The following GHR variants were observed in gnomAD, a reference collection of about 807,000 sequenced individuals.
GHR encodes the protein GH receptor.
In GHR, 35 loss-of-function variants were observed where a neutral mutation model predicts 67.1. The ratio of observed to expected loss-of-function variants is 0.52; its 90% CI spans 0.40 to 0.69. The LOEUF (loss-of-function observed/expected upper bound fraction) is 0.69, where lower values mean the gene tolerates loss of function less well. GHR is among the 30% of genes least tolerant of loss of function. The pLI is 0.00. For synonymous variants in GHR, 272 were observed against 269.1 expected (o/e 1.01, Z -0.10); for missense variants, 792 against 764.6 (o/e 1.04, Z -0.42).
chr5:42,663,650 C>A (rs1381862308), intron 3 of GHR, among the ~76,000 whole-genome samples: 2 of 152,146 alleles, frequency 1.3e-5, no homozygotes, highest in African/African-American at 4.8e-5. Context: ...ACTGAATGGG[C>A]AAAAACTGGA....
intron 3 of GHR, among the ~76,000 whole-genome samples, chr5:42,683,129 G>A (rs1162612496): frequency 2.0e-5 from 3 of 152,136 alleles, no homozygotes; most frequent in Admixed American, 1.3e-4. Flanking sequence ...AGCCTCCCAG[G>A]TAGCTGGGAT....
At chr5:42,694,265 A>G (rs1317998645) in intron 4 of GHR, among the ~76,000 whole-genome samples, 1 of 152,158 alleles carries the variant, frequency 6.6e-6, no homozygotes, top group East Asian at 1.9e-4. Context: ...TGAATCCCAT[A>G]GTGTCTGTCA....
At position 42,473,605 on chromosome 5, in the gene GHR, G is replaced by A. The variant is rs570525968; in HGVS notation, c.-12+49650G>A. Among the ~76,000 whole-genome samples the A allele has an allele frequency of 7.2e-5, 11 of 152,278 alleles. No homozygotes were observed. In the East Asian group the frequency reaches 1.7e-3, roughly 24 times the overall value. On this transcript the variant is annotated intron_variant, in intron 1 of 9. Transcript: ENST00000230882. Reference sequence around the variant, plus strand: ...ATTGAAAAGTGTCTGTTGGCCGGGCGCAGTGGATCACGCCTGTAATCCCAG... The same window carrying A: ...ATTGAAAAGTGTCTGTTGGCCGGGCACAGTGGATCACGCCTGTAATCCCAG...
intron 1 of GHR, among the ~76,000 whole-genome samples, chr5:42,494,005 A>T (rs568140243): frequency 1.3e-5 from 2 of 152,308 alleles, no homozygotes; most frequent in East Asian, 3.9e-4. Context: ...TCTTGGGAAT[A>T]TCCCTCACTG....
chr5:42,641,123 TC>T (rs1169315880), intron 3 of GHR, among the ~76,000 whole-genome samples: 1 of 152,148 alleles, frequency 6.6e-6, no homozygotes, highest in Non-Finnish European at 1.5e-5. Flanking sequence ...TTGTTTCCTT[TC>T]CTTCCTCCTT....
intron 2 of GHR, among the ~76,000 whole-genome samples, chr5:42,582,554 T>A (rs1476721978): frequency 6.6e-6 from 1 of 152,252 alleles, no homozygotes; most frequent in Non-Finnish European, 1.5e-5. Context: ...TATCTCATTC[T>A]TCCTGGATGT....
At position 42,424,588 on chromosome 5, in the gene GHR, C is replaced by T. The variant is rs907444038; in HGVS notation, c.-12+633C>T. 16 of 1,534,292 alleles carry T rather than the reference C, an allele frequency of 1.0e-5. No individual in the cohort carries two copies. The highest frequency in any genetic ancestry group is 1.4e-5 in the Non-Finnish European group (16 of 1,145,698). Reference sequence around the variant, plus strand: ...CAGTAGAGTGACAGCCACCAGTCCGCATGAACTGGGGTAAGTGGAAATTGT... The same window carrying T: ...CAGTAGAGTGACAGCCACCAGTCCGTATGAACTGGGGTAAGTGGAAATTGT... On this transcript the variant is annotated intron_variant, in intron 1 of 9. Coordinates refer to ENST00000230882, the MANE Select transcript of GHR (RefSeq NM_000163.5). This position sits in a 1 kb window ranked among gnomAD's most constrained non-coding sequence, Gnocchi z 4.1.
At chr5:42,549,472 G>C (rs1199121497) in intron 1 of GHR, 1 of 152,834 alleles carries the variant, frequency 6.5e-6, no homozygotes, top group Non-Finnish European at 1.5e-5. Context: ...GATAGAAGTA[G>C]AGAGGAGAGG....
chr5:42,483,831 A>T (rs1745762871), intron 1 of GHR, among the ~76,000 whole-genome samples: 1 of 152,208 alleles, frequency 6.6e-6, no homozygotes, highest in African/African-American at 2.4e-5. Context: ...AAGCACTCTC[A>T]TTCTGTTAGG....
intron 3 of GHR, among the ~76,000 whole-genome samples, chr5:42,659,626 C>G (rs531631795): frequency 3.3e-5 from 5 of 152,232 alleles, no homozygotes; most frequent in Admixed American, 6.5e-5. Context: ...TAAAAAAGTT[C>G]TCTTCGATGG....
chr5:42,435,491 GA>G (rs754645623), intron 1 of GHR, among the ~76,000 whole-genome samples: 8 of 152,126 alleles, frequency 5.3e-5, no homozygotes, highest in Non-Finnish European at 8.8e-5. Flanking sequence ...CAAGTTAAGG[GA>G]TAACACAATA....
intron 1 of GHR, chr5:42,467,650 G>T (rs1486944142): frequency 1.2e-6 from 2 of 1,606,000 alleles, no homozygotes; most frequent in Non-Finnish European, 1.7e-6. Context: ...TTTCTGTCCA[G>T]TGTGGATTCT....
chr5:42,677,680 G>A (rs140352167), intron 3 of GHR, among the ~76,000 whole-genome samples: 2 of 152,262 alleles, frequency 1.3e-5, no homozygotes, highest in African/African-American at 4.8e-5. Flanking sequence ...TGCAGCCCAA[G>A]ACAAACTCGT....
intron 1 of GHR, among the ~76,000 whole-genome samples, chr5:42,489,766 C>A (rs1383011184): frequency 6.6e-6 from 1 of 151,982 alleles, no homozygotes; most frequent in African/African-American, 2.4e-5. Context: ...TTCTTTTGCT[C>A]CAAATCCAGA....
chr5:42,447,467 T>C (rs889353146), intron 1 of GHR, among the ~76,000 whole-genome samples: 2 of 152,206 alleles, frequency 1.3e-5, no homozygotes, highest in Non-Finnish European at 2.9e-5. Flanking sequence ...TGTTCGTTTT[T>C]ATGGCTGAGT....
At chr5:42,561,614 C>A in intron 1 of GHR, among the ~76,000 whole-genome samples, 1 of 152,094 alleles carries the variant, frequency 6.6e-6, no homozygotes, top group South Asian at 2.1e-4. Flanking sequence ...AAATTCATGC[C>A]AGCTGCATTA....
At chr5:42,552,118 C>T (rs1250851554) in intron 1 of GHR, among the ~76,000 whole-genome samples, 1 of 152,200 alleles carries the variant, frequency 6.6e-6, no homozygotes, top group Admixed American at 6.5e-5. Context: ...TTAGGAGAAA[C>T]ATGGCCAGGT....
At chr5:42,701,583 CA>C (rs555955293) in intron 6 of GHR, among the ~76,000 whole-genome samples, 1 of 151,940 alleles carries the variant, frequency 6.6e-6, no homozygotes, top group Non-Finnish European at 1.5e-5. Context: ...AAACATTTGT[CA>C]AAAAAGAATG....
At chr5:42,569,241 C>G (rs1750126634) in intron 2 of GHR, among the ~76,000 whole-genome samples, 1 of 152,222 alleles carries the variant, frequency 6.6e-6, no homozygotes, top group Non-Finnish European at 1.5e-5. Context: ...AATTCATTCA[C>G]TTACTGTGCT....
Sources: gnomAD v4.1 joint callset for allele counts (sites outside exome capture counted in the v4.1 genomes callset) on GRCh38, gnomAD v4.1.1 for gene constraint, Gnocchi (gnomAD v3.1) non-coding constraint, MANE v1.5 for transcripts, NCBI Gene and HGNC (gene_info 2026-07-23, HGNC 2026-07-21) for gene names.